Variants in DKK2 observed in about 807,000 individuals in gnomAD.
DKK2 encodes dickkopf Wnt signaling pathway inhibitor 2.
In DKK2, 11 loss-of-function variants were observed where a neutral mutation model predicts 28.1. The observed-to-expected ratio is 0.39, with a 90% CI of 0.25 to 0.65. The LOEUF (loss-of-function observed/expected upper bound fraction) is 0.65, where lower values mean the gene tolerates loss of function less well. Ranked by LOEUF, DKK2 falls within the 30% of genes least tolerant of loss-of-function variation. The probability of loss-of-function intolerance (pLI) is 0.47; values close to 1 mark genes in which losing one functional copy is unlikely to be tolerated. For missense variants in DKK2, 326 were observed against 335.5 expected, an observed-to-expected ratio of 0.97 and a Z score of 0.22; for synonymous variants, 135 against 126.5, an observed-to-expected ratio of 1.07 and a Z score of -0.45.
intron 1 of DKK2, among the ~76,000 whole-genome samples, chr4:106,977,355 C>T (rs1167494894): frequency 1.3e-5 from 2 of 152,178 alleles, no homozygotes; most frequent in African/African-American, 4.8e-5. Context: ...GTTCCATTCT[C>T]CCCGTTACTT....
At position 107,027,781 on chromosome 4, in the gene DKK2, T is replaced by C. The variant is rs529406987; in HGVS notation, c.222+7589A>G. On this transcript the variant is annotated intron_variant, in intron 1 of 3. Transcript: ENST00000285311. ...ATTTTTTTTTTTTTGAGACAGAGTC[T>C]CGCTCTGTCGCCCAGGCTAGAGTAC... 9.2e-4 allele frequency among the ~76,000 whole-genome samples: 131 copies of C among 142,390 alleles called. 1 individual carries two copies. The highest frequency in any genetic ancestry group is 3.5e-3 in the Middle Eastern group (1 of 288). The allele number at this position is 142,390 out of a possible 152,430, so 93.4% of individuals were successfully genotyped here.
intron 1 of DKK2, among the ~76,000 whole-genome samples, chr4:106,988,235 C>T (rs1723152081): frequency 1.3e-5 from 2 of 152,154 alleles, no homozygotes; most frequent in Non-Finnish European, 2.9e-5. Context: ...TCCACAGTCA[C>T]GTGGTTTTTA....
At chr4:106,968,616 TAAGTA>T (rs1366142513) in intron 1 of DKK2, among the ~76,000 whole-genome samples, 3 of 58,692 alleles carry the variant, frequency 5.1e-5, no homozygotes, top group South Asian at 3.8e-4. Context: ...TATTTACTTT[TAAGTA>T]AAGTTTCTGT....
chr4:107,014,985 C>T (rs1723573799), intron 1 of DKK2, among the ~76,000 whole-genome samples: 1 of 151,456 alleles, frequency 6.6e-6, no homozygotes, highest in African/African-American at 2.4e-5. Flanking sequence ...TGATCATGAA[C>T]ATTTGGGTTG....
intron 1 of DKK2, among the ~76,000 whole-genome samples, chr4:106,992,888 A>G (rs897806907): frequency 1.3e-5 from 2 of 152,210 alleles, no homozygotes; most frequent in Non-Finnish European, 2.9e-5. Context: ...TGTTGCATAG[A>G]TGTCTAACTG....
chr4:107,002,114 T>C (rs1318844011), intron 1 of DKK2, among the ~76,000 whole-genome samples: 1 of 152,210 alleles, frequency 6.6e-6, no homozygotes. Flanking sequence ...TTTTCCATCT[T>C]CCTTCAAAGA....
At chr4:107,030,031 A>C (rs1723852530) in intron 1 of DKK2, among the ~76,000 whole-genome samples, 1 of 152,086 alleles carries the variant, frequency 6.6e-6, no homozygotes, top group Non-Finnish European at 1.5e-5. Flanking sequence ...TCTGTTGTGC[A>C]GATTCAGGGG....
intron 1 of DKK2, among the ~76,000 whole-genome samples, chr4:106,979,174 G>A (rs1342909470): frequency 6.6e-6 from 1 of 152,000 alleles, no homozygotes. Context: ...AAGAATAAAG[G>A]AATGTGGCCA....
chr4:106,956,875 T>C (rs550510322), intron 1 of DKK2, among the ~76,000 whole-genome samples: 2 of 150,644 alleles, frequency 1.3e-5, no homozygotes, highest in South Asian at 2.1e-4. Context: ...CCAAAAGCAA[T>C]GGCAACAAAA....
chr4:106,968,466 G>A (rs764117702), intron 1 of DKK2, among the ~76,000 whole-genome samples: 49 of 152,110 alleles, frequency 3.2e-4, no homozygotes, highest in Admixed American at 9.2e-4. Flanking sequence ...ACGTGTGTGT[G>A]TAGGCATATA....
intron 1 of DKK2, among the ~76,000 whole-genome samples, chr4:107,029,221 A>C (rs1393674331): frequency 6.6e-6 from 1 of 152,172 alleles, no homozygotes; most frequent in Non-Finnish European, 1.5e-5. Flanking sequence ...GTAAGGGTTC[A>C]TGTTCTTCCT....
chr4:106,958,693 C>T (rs1011341790), intron 1 of DKK2, among the ~76,000 whole-genome samples: 1 of 151,636 alleles, frequency 6.6e-6, no homozygotes, highest in Non-Finnish European at 1.5e-5. Flanking sequence ...AAAAATTAGC[C>T]GGATGTGGTG....
At chr4:106,938,474 T>A (rs1274723558) in intron 1 of DKK2, among the ~76,000 whole-genome samples, 1 of 152,152 alleles carries the variant, frequency 6.6e-6, no homozygotes, top group African/African-American at 2.4e-5. Context: ...GTGGCAATAA[T>A]CAATAGCTTA....
At chr4:106,961,390 T>C (rs1722682008) in intron 1 of DKK2, among the ~76,000 whole-genome samples, 1 of 152,162 alleles carries the variant, frequency 6.6e-6, no homozygotes, top group African/African-American at 2.4e-5. Flanking sequence ...ATAGTAGCCA[T>C]GTTTTAACAC....
chr4:106,936,202 A>G (rs1578348084), intron 1 of DKK2, among the ~76,000 whole-genome samples: 2 of 152,128 alleles, frequency 1.3e-5, no homozygotes, highest in African/African-American at 2.4e-5. Context: ...AAAGGCAAAG[A>G]AGTTGAAAAC....
At chr4:107,026,602 T>C (rs1723783865) in intron 1 of DKK2, among the ~76,000 whole-genome samples, 1 of 152,172 alleles carries the variant, frequency 6.6e-6, no homozygotes, top group African/African-American at 2.4e-5. Flanking sequence ...AGAACCTACA[T>C]AGCATTCTTT....
chr4:106,996,348 G>A (rs1723272254), intron 1 of DKK2, among the ~76,000 whole-genome samples: 1 of 152,142 alleles, frequency 6.6e-6, no homozygotes, highest in Non-Finnish European at 1.5e-5. Context: ...TTTGGACCAG[G>A]ATTCCATTCT....
At chr4:106,978,682 G>T (rs1056105441) in intron 1 of DKK2, among the ~76,000 whole-genome samples, 1 of 152,166 alleles carries the variant, frequency 6.6e-6, no homozygotes, top group African/African-American at 2.4e-5. Flanking sequence ...GGGCTCTGTG[G>T]GGGTAGGATC....
At chr4:106,939,228 A>C (rs1417614016) in intron 1 of DKK2, among the ~76,000 whole-genome samples, 5 of 152,212 alleles carry the variant, frequency 3.3e-5, no homozygotes, top group African/African-American at 9.7e-5. Context: ...ATCTCAGCCC[A>C]AAATCTCCTT....
Sources: gnomAD v4.1 joint callset for allele counts (sites outside exome capture counted in the v4.1 genomes callset) on GRCh38, gnomAD v4.1.1 for gene constraint, MANE v1.5 for transcripts, NCBI Gene and HGNC (gene_info 2026-07-23, HGNC 2026-07-21) for gene names.